OPCML: variants seen among roughly 807,000 people sequenced by gnomAD.
OPCML encodes opioid binding protein/cell adhesion molecule like.
A neutral mutation model predicts 37.8 loss-of-function variants in OPCML; 13 were observed. The ratio of observed to expected loss-of-function variants is 0.34; its 90% CI spans 0.22 to 0.55. OPCML has a LOEUF of 0.55. OPCML is among the 20% of genes least tolerant of loss of function. OPCML has a pLI of 0.91. For missense variants in OPCML, 341 were observed against 435.6 expected, an observed-to-expected ratio of 0.78 and a Z score of 1.93; for synonymous variants, 176 against 168.8, an observed-to-expected ratio of 1.04 and a Z score of -0.33.
chr11:133,171,664 G>C (rs1950290529), intron 1 of OPCML, among the ~76,000 whole-genome samples: 1 of 152,214 alleles, frequency 6.6e-6, no homozygotes, highest in Non-Finnish European at 1.5e-5. Flanking sequence ...AAGACTGCTT[G>C]TCTTTTCCCA....
At chr11:133,014,275 GGCTCTCGTGT>G (rs1329113956) in intron 1 of OPCML, among the ~76,000 whole-genome samples, 2 of 151,768 alleles carry the variant, frequency 1.3e-5, no homozygotes, top group African/African-American at 4.8e-5. Context: ...TTCCCTAAGT[GGCTCTCGTGT>G]GCATATGAAA....
At chr11:133,416,206 T>A (rs1281533161) in intron 1 of OPCML, among the ~76,000 whole-genome samples, 1 of 152,144 alleles carries the variant, frequency 6.6e-6, no homozygotes, top group African/African-American at 2.4e-5. Context: ...AAAACTGATC[T>A]TCCCACTTCT....
chr11:132,941,032 C>T (rs536776709), intron 2 of OPCML, among the ~76,000 whole-genome samples: 5 of 151,852 alleles, frequency 3.3e-5, no homozygotes, highest in South Asian at 2.1e-4. Flanking sequence ...AAAAAAATTA[C>T]GCCATGCAAT....
chr11:133,230,416 G>A (rs748474397), intron 1 of OPCML, among the ~76,000 whole-genome samples: 6 of 152,116 alleles, frequency 3.9e-5, no homozygotes, highest in Non-Finnish European at 7.4e-5. Flanking sequence ...GCTGTCACTC[G>A]TTTCTATTTC....
At chr11:132,564,018 C>T (rs911800750) in intron 3 of OPCML, among the ~76,000 whole-genome samples, 23 of 152,182 alleles carry the variant, frequency 1.5e-4, no homozygotes, top group African/African-American at 5.5e-4. Flanking sequence ...ACCTAAAGAA[C>T]ATCAACTCAC....
intron 3 of OPCML, among the ~76,000 whole-genome samples, chr11:132,651,183 C>T (rs1322398001): frequency 3.3e-5 from 5 of 152,158 alleles, no homozygotes; most frequent in South Asian, 4.1e-4. Flanking sequence ...TACCTGTCTA[C>T]GTATTTAACT....
intron 1 of OPCML, among the ~76,000 whole-genome samples, chr11:132,957,569 T>G (rs1185945315): frequency 6.6e-6 from 1 of 152,170 alleles, no homozygotes; most frequent in Non-Finnish European, 1.5e-5. Flanking sequence ...TTATTGTGCT[T>G]TGCTTCATTG....
intron 4 of OPCML, among the ~76,000 whole-genome samples, chr11:132,450,916 G>A (rs908075456): frequency 8.5e-5 from 13 of 152,120 alleles, no homozygotes; most frequent in African/African-American, 2.7e-4. Flanking sequence ...TCTAATTTTC[G>A]ATAGTCAGTA....
chr11:132,823,525 G>A (rs752156282), intron 2 of OPCML, among the ~76,000 whole-genome samples: 1 of 151,386 alleles, frequency 6.6e-6, no homozygotes, highest in Non-Finnish European at 1.5e-5. Flanking sequence ...ATCAATATAC[G>A]CTTCTCTGTG....
At chr11:133,469,921 A>C (rs1392207415) in intron 1 of OPCML, among the ~76,000 whole-genome samples, 1 of 152,262 alleles carries the variant, frequency 6.6e-6, no homozygotes, top group Non-Finnish European at 1.5e-5. Flanking sequence ...CTAAGTTCAC[A>C]ATAATCTCTG....
At chr11:132,647,390 G>C (rs926762922) in intron 3 of OPCML, among the ~76,000 whole-genome samples, 13 of 152,096 alleles carry the variant, frequency 8.5e-5, no homozygotes, top group African/African-American at 3.1e-4. Flanking sequence ...ATAAGGGCTG[G>C]GGGTAATGAC....
intron 1 of OPCML, among the ~76,000 whole-genome samples, chr11:133,279,280 C>T (rs980286245): frequency 1.3e-5 from 2 of 152,192 alleles, no homozygotes; most frequent in Non-Finnish European, 2.9e-5. Context: ...TGCTCTGATC[C>T]TCTCAGAATA....
chr11:133,373,340 G>A (rs967612087), intron 1 of OPCML, among the ~76,000 whole-genome samples: 3 of 150,554 alleles, frequency 2.0e-5, no homozygotes, highest in African/African-American at 7.3e-5. Context: ...AGGCGGGCAG[G>A]CCATTTGAGA....
intron 1 of OPCML, among the ~76,000 whole-genome samples, chr11:133,487,370 G>T (rs926539526): frequency 6.6e-6 from 1 of 151,956 alleles, no homozygotes; most frequent in African/African-American, 2.4e-5. Context: ...TTGTGTCCTG[G>T]CTGTTCCCTC....
At chr11:132,771,102 C>G (rs1946621259) in intron 2 of OPCML, among the ~76,000 whole-genome samples, 1 of 152,134 alleles carries the variant, frequency 6.6e-6, no homozygotes, top group Non-Finnish European at 1.5e-5. Flanking sequence ...CAACTTTAAC[C>G]TTGAGGGCTA....
intron 4 of OPCML, among the ~76,000 whole-genome samples, chr11:132,506,994 T>C (rs950650266): frequency 7.2e-5 from 11 of 151,856 alleles, no homozygotes; most frequent in Non-Finnish European, 1.6e-4. Context: ...ATCAGACTAA[T>C]ACAAATCTTT....
intron 2 of OPCML, among the ~76,000 whole-genome samples, chr11:132,768,874 G>A (rs950099373): frequency 2.0e-5 from 3 of 152,076 alleles, no homozygotes; most frequent in Admixed American, 2.0e-4. Context: ...GTGGGTGGTG[G>A]GAAGAAGCGG....
At chr11:132,950,770 G>A (rs182254402) in intron 1 of OPCML, among the ~76,000 whole-genome samples, 26 of 152,254 alleles carry the variant, frequency 1.7e-4, no homozygotes, top group African/African-American at 4.3e-4. Context: ...AGCCAACCCC[G>A]TGAGATGTAA....
intron 4 of OPCML, among the ~76,000 whole-genome samples, chr11:132,454,465 G>T (rs2096076338): frequency 6.6e-6 from 1 of 152,158 alleles, no homozygotes; most frequent in African/African-American, 2.4e-5. Context: ...TCATCAGGAG[G>T]CACCAGGCCC....
Sources: allele counts gnomAD v4.1 joint callset (sites outside exome capture counted in the v4.1 genomes callset), GRCh38; gene constraint gnomAD v4.1.1; transcripts MANE v1.5; gene names NCBI Gene and HGNC (gene_info 2026-07-23, HGNC 2026-07-21).